Variants in PIGB observed in about 807,000 individuals in gnomAD.
PIGB encodes the protein GPI alpha-1,2-mannosyltransferase 3.
In PIGB, 58 loss-of-function variants were observed where a neutral mutation model predicts 68.4. The ratio of observed to expected loss-of-function variants is 0.85; its 90% CI spans 0.69 to 1.06. The LOEUF is 1.06. Ranked by LOEUF, PIGB falls within the 50% of genes least tolerant of loss-of-function variation. The pLI is 0.00. For synonymous variants in PIGB, 219 were observed against 220.5 expected (o/e 0.99, Z 0.06); for missense variants, 634 against 655.8 (o/e 0.97, Z 0.36).
intron 10 of PIGB, 44 bp downstream of exon 10, chr15:55,350,956 T>C: frequency 3.1e-6 from 3 of 980,974 alleles, no homozygotes; most frequent in Non-Finnish European, 3.1e-6. Context: ...AAACTGAAAC[T>C]GACTACTTTA....
chr15:55,332,141 A>ATT, intron 5 of PIGB, among the ~76,000 whole-genome samples: 1 of 151,300 alleles, frequency 6.6e-6, no homozygotes, highest in East Asian at 2.0e-4. Flanking sequence ...CGCCCAGCTA[A>ATT]TTTTTGTATT....
At chr15:55,323,746 A>C (rs952955123) in intron 3 of PIGB, among the ~76,000 whole-genome samples, 14 of 152,200 alleles carry the variant, frequency 9.2e-5, no homozygotes, top group African/African-American at 3.1e-4. Context: ...CTCTGTTGTT[A>C]CTTTTTAATT....
intron 6 of PIGB, among the ~76,000 whole-genome samples, chr15:55,337,343 G>C (rs1427957027): frequency 6.6e-6 from 1 of 152,200 alleles, no homozygotes; most frequent in Admixed American, 6.5e-5. Flanking sequence ...CCAGTCCCAA[G>C]GCTGTGGACT....
intron 3 of PIGB, among the ~76,000 whole-genome samples, chr15:55,322,292 G>A (rs1023276023): frequency 6.6e-6 from 1 of 152,092 alleles, no homozygotes; most frequent in Non-Finnish European, 1.5e-5. Flanking sequence ...ACCCACTGAG[G>A]ATTTAGTGTT....
intron 3 of PIGB, among the ~76,000 whole-genome samples, chr15:55,325,713 A>C (rs2055266623): frequency 6.6e-6 from 1 of 151,860 alleles, no homozygotes; most frequent in South Asian, 2.1e-4. Flanking sequence ...TCACGAGATC[A>C]AGACCATCCT....
chr15:55,336,355 C>T (rs1566952921), intron 6 of PIGB, among the ~76,000 whole-genome samples: 1 of 152,136 alleles, frequency 6.6e-6, no homozygotes, highest in Non-Finnish European at 1.5e-5. Context: ...TTCCACTGCA[C>T]TCCAGCCTGG....
intron 3 of PIGB, chr15:55,324,945 AAAAAG>A (rs1339499898): frequency 3.0e-6 from 1 of 336,732 alleles, no homozygotes; most frequent in Non-Finnish European, 4.2e-6. Context: ...CATTGTGGAC[AAAAAG>A]AAAATAAAGT....
intron 5 of PIGB, among the ~76,000 whole-genome samples, chr15:55,332,763 G>A (rs1423521283): frequency 6.6e-6 from 1 of 151,994 alleles, no homozygotes; most frequent in African/African-American, 2.4e-5. Flanking sequence ...ATTTTTTACA[G>A]GACTAAGTAT....
chr15:55,353,671 C>G (rs2055982920), intron 10 of PIGB, among the ~76,000 whole-genome samples: 1 of 152,086 alleles, frequency 6.6e-6, no homozygotes, highest in African/African-American at 2.4e-5. Context: ...GGCGTATGAT[C>G]TCAGCTCACT....
At chr15:55,325,862 G>C (rs2055271012) in intron 3 of PIGB, among the ~76,000 whole-genome samples, 1 of 151,978 alleles carries the variant, frequency 6.6e-6, no homozygotes, top group Admixed American at 6.6e-5. Context: ...GTGGCGGTGA[G>C]CCAAGATCAC....
intron 9 of PIGB, chr15:55,343,161 CTG>C (rs2055710633): frequency 6.6e-6 from 1 of 152,104 alleles, no homozygotes; most frequent in African/African-American, 2.4e-5. Context: ...TATTAAAAAT[CTG>C]TATTTTTGAT....
intron 9 of PIGB, chr15:55,348,329 C>T (rs2055848553): frequency 6.6e-6 from 1 of 152,214 alleles, no homozygotes; most frequent in Non-Finnish European, 1.5e-5. Flanking sequence ...TACACATGCT[C>T]ACCTTGTAAG....
chr15:55,331,694 CAA>C (rs1165565784), intron 5 of PIGB, among the ~76,000 whole-genome samples: 2 of 151,674 alleles, frequency 1.3e-5, no homozygotes, highest in Non-Finnish European at 2.9e-5. Context: ...GCCTGGGCAA[CAA>C]GAGCAAAACT....
chr15:55,336,468 A>T (rs958265605), intron 6 of PIGB, among the ~76,000 whole-genome samples: 1 of 152,226 alleles, frequency 6.6e-6, no homozygotes, highest in Non-Finnish European at 1.5e-5. Context: ...ATCACAGCTT[A>T]GCCTACCATA....
intron 2 of PIGB, among the ~76,000 whole-genome samples, 165 bp downstream of exon 2, chr15:55,320,575 A>G (rs2055141097): frequency 6.6e-6 from 1 of 152,178 alleles, no homozygotes; most frequent in African/African-American, 2.4e-5. Context: ...CTCTATATAT[A>G]TTGTTTTTAT....
chr15:55,355,192 T>A, intron 11 of PIGB, 94 bp from the exon 12 acceptor site: 1 of 1,041,982 alleles, frequency 9.6e-7, no homozygotes, highest in Non-Finnish European at 1.4e-6. Context: ...CAAAAAGTTG[T>A]AGACAGCAAT....
chr15:55,343,061 A>G (rs1377042969), intron 9 of PIGB: 1 of 152,210 alleles, frequency 6.6e-6, no homozygotes, highest in Non-Finnish European at 1.5e-5. Flanking sequence ...GAGTTAGGCA[A>G]TGTTTGACCA....
chr15:55,328,226 G>A lies in PIGB; in HGVS notation c.522+591G>A, dbSNP rs760283506. ...CGTTTGACTTATTTCAAGGTGGGAA[G>A]ATAGATTCCTGACATCTCCCACTCC... On this transcript the variant is annotated intron_variant, in intron 4 of 11. Transcript: ENST00000164305. Among the ~76,000 whole-genome samples, 61 of 152,184 alleles carry A rather than the reference G, an allele frequency of 4.0e-4. 1 individual carries two copies. Among genetic ancestry groups the A allele is most frequent in the Non-Finnish European group, 7.5e-4 (51 of 68,028 alleles).
intron 2 of PIGB, among the ~76,000 whole-genome samples, 187 bp downstream of exon 2, chr15:55,320,597 A>G (rs533577651): frequency 6.6e-6 from 1 of 152,350 alleles, no homozygotes; most frequent in East Asian, 1.9e-4. Context: ...TATGTAAAAA[A>G]TACACACACG....
Sources: gnomAD v4.1 joint callset for allele counts (sites outside exome capture counted in the v4.1 genomes callset) on GRCh38, gnomAD v4.1.1 for gene constraint, MANE v1.5 for transcripts, NCBI Gene and HGNC (gene_info 2026-07-23, HGNC 2026-07-21) for gene names.